Variants in KCNN2 observed in about 807,000 individuals in gnomAD.
KCNN2 encodes the protein small conductance calcium-activated potassium channel protein 2.
A neutral mutation model predicts 55.5 loss-of-function variants in KCNN2; 24 were observed. The ratio of observed to expected loss-of-function variants is 0.43; its 90% CI spans 0.31 to 0.61. KCNN2 has a LOEUF of 0.61. Among genes scored for constraint, KCNN2 ranks in the 20% least tolerant of loss-of-function variants. The pLI, the probability that KCNN2 is intolerant of heterozygous loss-of-function variation, is 0.08. For missense variants in KCNN2, 754 were observed against 853.6 expected (o/e 0.88, Z 1.45); for synonymous variants, 431 against 336.1 (o/e 1.28, Z -3.09).
At chr5:114,449,744 T>C (rs1760570044) in intron 3 of KCNN2, among the ~76,000 whole-genome samples, 1 of 152,176 alleles carries the variant, frequency 6.6e-6, no homozygotes, top group Admixed American at 6.5e-5. Context: ...ACAGGGATTT[T>C]TTTTTTCCTT....
chr5:114,380,135 T>A (rs1052086307), intron 2 of KCNN2, among the ~76,000 whole-genome samples: 1 of 152,258 alleles, frequency 6.6e-6, no homozygotes, highest in South Asian at 2.1e-4. Context: ...TGTTTTCTAA[T>A]ACACAATACA....
At chr5:114,323,153 G>A (rs36961) in intron 2 of KCNN2, among the ~76,000 whole-genome samples, 71,579 of 152,016 alleles carry the variant, frequency 0.47, 17,431 homozygotes, top group East Asian at 0.87. Context: ...GAGGAACCCC[G>A]GTTTACATTA....
At chr5:114,068,923 C>T (rs1273360342) in intron 1 of KCNN2, among the ~76,000 whole-genome samples, 1 of 152,120 alleles carries the variant, frequency 6.6e-6, no homozygotes, top group Non-Finnish European at 1.5e-5. Context: ...AACCGATTCT[C>T]CTGCTTCAGC....
At chr5:114,160,287 G>A (rs1752741695) in intron 1 of KCNN2, among the ~76,000 whole-genome samples, 1 of 152,196 alleles carries the variant, frequency 6.6e-6, no homozygotes, top group South Asian at 2.1e-4. Flanking sequence ...GGAGCAGGTT[G>A]TTCAGTTTCC....
chr5:114,403,436 T>C (rs999641357), intron 2 of KCNN2, among the ~76,000 whole-genome samples: 3 of 152,328 alleles, frequency 2.0e-5, no homozygotes, highest in East Asian at 1.9e-4. Flanking sequence ...ATCTTTGGAA[T>C]ATATATAGCT....
intron 1 of KCNN2, among the ~76,000 whole-genome samples, chr5:114,217,396 C>A (rs1303690933): frequency 6.6e-6 from 1 of 151,966 alleles, no homozygotes; most frequent in South Asian, 2.1e-4. Context: ...AAAAAATAGA[C>A]AAATACATCA....
At chr5:114,095,839 T>C (rs1051448577) in intron 1 of KCNN2, among the ~76,000 whole-genome samples, 8 of 147,028 alleles carry the variant, frequency 5.4e-5, no homozygotes, top group Admixed American at 2.0e-4. Context: ...GGACTCCATA[T>C]ATGCACCTGC....
chr5:114,422,946 G>A (rs999502557), intron 3 of KCNN2, among the ~76,000 whole-genome samples: 2 of 152,180 alleles, frequency 1.3e-5, no homozygotes, highest in Non-Finnish European at 2.9e-5. Context: ...GTCTTAGAAG[G>A]TAAAAGTTAC....
intron 1 of KCNN2, among the ~76,000 whole-genome samples, chr5:114,123,216 C>T (rs191429969): frequency 7.9e-5 from 12 of 152,244 alleles, no homozygotes; most frequent in Non-Finnish European, 2.9e-5. Context: ...AGATTCTTTA[C>T]TCACATTTGC....
At chr5:114,475,437 T>C (rs1447714009) in intron 5 of KCNN2, among the ~76,000 whole-genome samples, 3 of 152,172 alleles carry the variant, frequency 2.0e-5, no homozygotes, top group Non-Finnish European at 2.9e-5. Flanking sequence ...CACCTTTTAA[T>C]GTGCTGTTCC....
At chr5:114,446,589 C>G (rs1760417361) in intron 3 of KCNN2, among the ~76,000 whole-genome samples, 1 of 152,178 alleles carries the variant, frequency 6.6e-6, no homozygotes, top group South Asian at 2.1e-4. Context: ...TCCCAAGCAG[C>G]TGGAATTACA....
intron 1 of KCNN2, among the ~76,000 whole-genome samples, chr5:114,160,364 A>C (rs1259411656): frequency 6.6e-6 from 1 of 152,190 alleles, no homozygotes; most frequent in Non-Finnish European, 1.5e-5. Context: ...CTGTGGTCTG[A>C]GAGACAGTTT....
intron 3 of KCNN2, among the ~76,000 whole-genome samples, chr5:114,428,072 A>G (rs1039886704): frequency 2.0e-5 from 3 of 152,168 alleles, no homozygotes; most frequent in African/African-American, 7.2e-5. Context: ...AGCTGTACTC[A>G]TTTCATTTCA....
chr5:114,496,010 C>A lies in KCNN2; in HGVS notation c.2204C>A (p.Ala735Asp). ...KLETLIGSIH[A>D]LPGLISQTIR... ...GAGACTTTGATTGGTAGCATCCACG[C>A]CCTCCCTGGGCTCATAAGCCAGACC... The change falls in exon 8 of 8, where the codon GCC becomes GAC. Residue 735 changes from alanine to aspartate, a missense_variant. This residue lies in a region of KCNN2 where 164 missense variants were observed against 156.6 expected (regional missense o/e 1.05). Coordinates refer to ENST00000673685, the MANE Select transcript of KCNN2 (RefSeq NM_021614.4). 6.2e-7 allele frequency: 1 copy of A among 1,614,058 alleles called. No individual in the cohort carries two copies. The highest frequency in any genetic ancestry group is 8.5e-7 in the Non-Finnish European group (1 of 1,179,982).
At chr5:114,241,986 G>A (rs899115915) in intron 2 of KCNN2, among the ~76,000 whole-genome samples, 1 of 150,932 alleles carries the variant, frequency 6.6e-6, no homozygotes, top group Non-Finnish European at 1.5e-5. Flanking sequence ...AGGCTAAAGG[G>A]CCTCCCACAA....
chr5:114,064,605 A>G (rs1446822733), intron 1 of KCNN2, among the ~76,000 whole-genome samples: 1 of 152,176 alleles, frequency 6.6e-6, no homozygotes, highest in African/African-American at 2.4e-5. Flanking sequence ...GAGCAGAACT[A>G]TGCAGGAAAG....
intron 3 of KCNN2, among the ~76,000 whole-genome samples, chr5:114,418,524 G>GC (rs1324755589): frequency 6.6e-6 from 1 of 152,080 alleles, no homozygotes; most frequent in Non-Finnish European, 1.5e-5. Flanking sequence ...CGGGCTCTCA[G>GC]CAACTGTGCA....
intron 2 of KCNN2, among the ~76,000 whole-genome samples, chr5:114,305,920 G>T (rs1756260543): frequency 6.6e-6 from 1 of 152,158 alleles, no homozygotes; most frequent in Non-Finnish European, 1.5e-5. Flanking sequence ...GTGACAGAGG[G>T]ATTAAACACT....
chr5:114,438,110 A>G (rs995855289), intron 3 of KCNN2, among the ~76,000 whole-genome samples: 3 of 152,160 alleles, frequency 2.0e-5, no homozygotes, highest in Non-Finnish European at 4.4e-5. Context: ...CCTTGGAGAA[A>G]GAAAACAGAT....
Sources: allele counts gnomAD v4.1 joint callset (sites outside exome capture counted in the v4.1 genomes callset), GRCh38; gene constraint gnomAD v4.1.1; regional missense constraint gnomAD v4.1.1; transcripts MANE v1.5; gene names NCBI Gene and HGNC (gene_info 2026-07-23, HGNC 2026-07-21).